The following CCDC85C variants were observed in gnomAD, a reference collection of about 807,000 sequenced individuals.
CCDC85C encodes the protein coiled-coil domain containing 85C, also known as coiled-coil domain-containing protein 85C.
In CCDC85C, 18 loss-of-function variants were observed where a neutral mutation model predicts 38.3. The observed-to-expected ratio is 0.47, with a 90% CI of 0.33 to 0.70. CCDC85C has a LOEUF of 0.70. Among genes scored for constraint, CCDC85C ranks in the 30% least tolerant of loss-of-function variants. The pLI, the probability that CCDC85C is intolerant of heterozygous loss-of-function variation, is 0.03. For missense variants in CCDC85C, 566 were observed against 621.2 expected (o/e 0.91, Z 0.94); for synonymous variants, 264 against 293.8 (o/e 0.90, Z 1.04).
rs1296270834 is a variant in CCDC85C at position 99,569,678 on chromosome 14, C to T, written c.793+33489G>A. Among the ~76,000 whole-genome samples, 4 of 152,224 alleles carry T rather than the reference C, an allele frequency of 2.6e-5. No individual in the cohort carries two copies. The highest frequency in any genetic ancestry group is 2.6e-4 in the Admixed American group (4 of 15,280). On this transcript the variant is annotated intron_variant, in intron 1 of 5. Transcript: ENST00000380243. This position sits in a 1 kb window ranked among gnomAD's most constrained non-coding sequence, Gnocchi z 4.3. Reference sequence around the variant, plus strand: ...ACACCACCCCAGGCAACCTCATCAGCACTTGAGACATTGCTAGTTCTTTGC... The same window carrying T: ...ACACCACCCCAGGCAACCTCATCAGTACTTGAGACATTGCTAGTTCTTTGC...
intron 1 of CCDC85C, among the ~76,000 whole-genome samples, chr14:99,583,439 G>A (rs1167590972): frequency 3.3e-5 from 5 of 149,932 alleles, no homozygotes; most frequent in Non-Finnish European, 5.9e-5. Flanking sequence ...GGGAGGCGGA[G>A]GTTACAATGA....
intron 1 of CCDC85C, among the ~76,000 whole-genome samples, chr14:99,565,095 G>C (rs2139954320): frequency 6.6e-6 from 1 of 152,314 alleles, no homozygotes; most frequent in Admixed American, 6.5e-5. Context: ...GGGCCGGTGA[G>C]CTCACTGTCC....
Position 99,558,198 on chromosome 14 carries a change from T to C in CCDC85C, c.794-22110A>G, listed in dbSNP as rs558363379. The stretch of plus-strand genomic sequence containing the variant: ...CTCAGCCGTGTGAAAGCCACTGGCC[T>C]TCATCATCTGCCCAACAGCAGAAGA... On this transcript the variant is annotated intron_variant, in intron 1 of 5. Coordinates refer to ENST00000380243, the MANE Select transcript of CCDC85C (RefSeq NM_001144995.2). This position sits in a 1 kb window ranked among gnomAD's most constrained non-coding sequence, Gnocchi z 4.2. 6.6e-6 allele frequency among the ~76,000 whole-genome samples: 1 copy of C among 152,286 alleles called. No homozygotes were observed. The highest frequency in any genetic ancestry group is 1.9e-4 in the East Asian group (1 of 5,182).
At chr14:99,564,028 T>C (rs887932941) in intron 1 of CCDC85C, among the ~76,000 whole-genome samples, 2 of 152,190 alleles carry the variant, frequency 1.3e-5, no homozygotes, top group Non-Finnish European at 2.9e-5. Context: ...AGGAAAAATT[T>C]CCAGCCTACA....
At chr14:99,524,340 G>A (rs1288558408) in intron 2 of CCDC85C, among the ~76,000 whole-genome samples, 1 of 151,972 alleles carries the variant, frequency 6.6e-6, no homozygotes, top group East Asian at 2.0e-4. Context: ...GGACTCCGGC[G>A]TCCCTTCCTC....
intron 1 of CCDC85C, among the ~76,000 whole-genome samples, chr14:99,562,578 G>A (rs973666748): frequency 3.9e-5 from 6 of 152,180 alleles, no homozygotes; most frequent in South Asian, 2.1e-4. Context: ...GGCGATATCC[G>A]AAACCTGCCT....
rs1399230269 is a variant in CCDC85C, at chr14:99,545,386, C to T, written c.794-9298G>A. On this transcript the variant is annotated intron_variant, in intron 1 of 5. Coordinates refer to ENST00000380243, the MANE Select transcript of CCDC85C (RefSeq NM_001144995.2). The surrounding 1 kb of genome is among the most constrained non-coding windows in gnomAD (Gnocchi z 4.7). ...AGAATGTGCCCTACTTTGGATCTGC[C>T]TGGGAACCACCAGTGTTCTCAAACC... Among the ~76,000 whole-genome samples the T allele has an allele frequency of 6.6e-6, 1 of 152,168 alleles. No homozygotes were observed. The highest frequency in any genetic ancestry group is 1.5e-5 in the Non-Finnish European group (1 of 68,034).
intron 1 of CCDC85C, among the ~76,000 whole-genome samples, chr14:99,599,276 T>C (rs977431306): frequency 1.3e-5 from 2 of 152,096 alleles, no homozygotes; most frequent in African/African-American, 4.8e-5. Context: ...ATGGGGCTCA[T>C]GCACAGGCTT....
chr14:99,573,118 G>A (rs549246972), intron 1 of CCDC85C: 16 of 295,172 alleles, frequency 5.4e-5, no homozygotes, highest in Middle Eastern at 1.3e-3. Flanking sequence ...GGACTCAGGC[G>A]TGCAGCTGCC....
At chr14:99,600,346 T>C (rs2055186372) in intron 1 of CCDC85C, among the ~76,000 whole-genome samples, 1 of 152,184 alleles carries the variant, frequency 6.6e-6, no homozygotes, top group Admixed American at 6.5e-5. Context: ...ACTTGCCCAG[T>C]ATACATGGAG....
intron 1 of CCDC85C, among the ~76,000 whole-genome samples, chr14:99,537,988 G>A (rs904413760): frequency 1.3e-5 from 2 of 152,178 alleles, no homozygotes; most frequent in African/African-American, 4.8e-5. Context: ...GTAAACTCCA[G>A]AGACCCTTCC....
At position 99,539,686 on chromosome 14, in the gene CCDC85C, G is replaced by A. The variant is rs114655380; in HGVS notation, c.794-3598C>T. Among the ~76,000 whole-genome samples the A allele has an allele frequency of 6.9e-3, 1,055 of 152,280 alleles. 8 individuals are homozygous for A. The highest frequency in any genetic ancestry group is 0.024 in the African/African-American group (990 of 41,544). The stretch of plus-strand genomic sequence containing the variant: ...AAATGACATGCACAATGGCTGCGAC[G>A]TTTAAAAATATCCAGGCATTGACGT... On this transcript the variant is annotated intron_variant, in intron 1 of 5. Coordinates refer to ENST00000380243, the MANE Select transcript of CCDC85C (RefSeq NM_001144995.2).
Position 99,545,893 on chromosome 14 carries a change from C to T in CCDC85C, c.794-9805G>A, listed in dbSNP as rs553378462. Among the ~76,000 whole-genome samples, 2 of 152,252 alleles carry T rather than the reference C, an allele frequency of 1.3e-5. No homozygotes were observed. The highest frequency in any genetic ancestry group is 2.4e-5 in the African/African-American group (1 of 41,540). ...CCCTGTGGGTGATTCTAACATGCAG[C>T]TCTGTGGTCACTGTTCCAATCATCC... On this transcript the variant is annotated intron_variant, in intron 1 of 5. Coordinates refer to ENST00000380243, the MANE Select transcript of CCDC85C (RefSeq NM_001144995.2). The surrounding 1 kb of genome is among the most constrained non-coding windows in gnomAD (Gnocchi z 4.7).
In CCDC85C at chr14:99,545,410, C is replaced by T. The variant is rs1387469289; in HGVS notation, c.794-9322G>A. Among the ~76,000 whole-genome samples, 3 of 152,142 alleles carry T rather than the reference C, an allele frequency of 2.0e-5. No individual in the cohort carries two copies. Among genetic ancestry groups the T allele is most frequent in the Non-Finnish European group, 4.4e-5 (3 of 68,040 alleles). ...CCTGGGAACCACCAGTGTTCTCAAA[C>T]CAAAACTCAAACTCATTTCTCCATC... is the stretch of plus-strand genomic sequence containing the variant. On this transcript the variant is annotated intron_variant, in intron 1 of 5. Transcript: ENST00000380243. The surrounding 1 kb of genome is among the most constrained non-coding windows in gnomAD (Gnocchi z 4.7).
rs774355151 is a variant in CCDC85C, at chr14:99,503,562, A to C, written c.*11684T>G. 2 of 1,503,440 alleles carry C rather than the reference A, an allele frequency of 1.3e-6. No individual in the cohort carries two copies. The highest frequency in any genetic ancestry group is 1.8e-6 in the Non-Finnish European group (2 of 1,107,866). The allele number at this position is 1,503,440 out of a possible 1,614,324, so 93.1% of individuals were successfully genotyped here. ...TACCTGGATAATCCATTTTTTTCTC[A>C]TCATACTCAGGATCCCAGTTAACAA... On this transcript the variant is annotated 3_prime_UTR_variant, in exon 6 of 6. Coordinates refer to ENST00000380243, the MANE Select transcript of CCDC85C (RefSeq NM_001144995.2).
At chr14:99,541,966 C>T (rs140148410) in intron 1 of CCDC85C, among the ~76,000 whole-genome samples, 255 of 152,324 alleles carry the variant, frequency 1.7e-3, no homozygotes, top group African/African-American at 5.8e-3. Flanking sequence ...CAAGGCCCTA[C>T]GGCATGGCTT....
rs1897160818 is a variant in CCDC85C, at chr14:99,512,841, G to T, written c.*2405C>A. 1 of 151,992 alleles carries T rather than the reference G, an allele frequency of 6.6e-6. No individual in the cohort carries two copies. The highest frequency in any genetic ancestry group is 1.5e-5 in the Non-Finnish European group (1 of 68,044). 9.4% of individuals were successfully genotyped at this position (151,992 alleles called of 1,614,324 possible). A position where few individuals can be genotyped will look rare whatever the true frequency, so the allele number is the denominator to read the frequency against. On this transcript the variant is annotated 3_prime_UTR_variant, in exon 6 of 6. Transcript: ENST00000380243. ...CATGCCCAGATTTCCCCTGTGGGAA[G>T]CCCCATCTGACCTTCTACAGCCCAC...
intron 1 of CCDC85C, among the ~76,000 whole-genome samples, chr14:99,552,411 A>G (rs917350029): frequency 3.9e-5 from 6 of 152,346 alleles, no homozygotes; most frequent in Admixed American, 2.0e-4. Flanking sequence ...TGAGCCCCAC[A>G]GTGCTTCAGA....
intron 1 of CCDC85C, among the ~76,000 whole-genome samples, chr14:99,574,291 A>ATT (rs10713344): frequency 6.6e-6 from 1 of 151,262 alleles, no homozygotes; most frequent in African/African-American, 2.4e-5. Flanking sequence ...TGCTCCAGGG[A>ATT]TTTTTTTTTG....
Sources: gnomAD v4.1 joint callset for allele counts (sites outside exome capture counted in the v4.1 genomes callset) on GRCh38, gnomAD v4.1.1 for gene constraint, Gnocchi (gnomAD v3.1) non-coding constraint, MANE v1.5 for transcripts, NCBI Gene and HGNC (gene_info 2026-07-23, HGNC 2026-07-21) for gene names.